Variants in PPARGC1A observed in about 807,000 individuals in gnomAD.
PPARGC1A encodes the protein peroxisome proliferator-activated receptor gamma coactivator 1-alpha.
Under a neutral mutation model 88.7 loss-of-function variants are expected in PPARGC1A, and 25 were observed. The ratio of observed to expected loss-of-function variants is 0.28; its 90% CI spans 0.21 to 0.39. PPARGC1A has a LOEUF of 0.39. Among genes scored for constraint, PPARGC1A ranks in the 10% least tolerant of loss-of-function variants. The pLI, the probability that PPARGC1A is intolerant of heterozygous loss-of-function variation, is 1.00. For synonymous variants in PPARGC1A, 363 were observed against 355.6 expected, an observed-to-expected ratio of 1.02 and a Z score of -0.24; for missense variants, 880 against 968.7, an observed-to-expected ratio of 0.91 and a Z score of 1.22.
chr4:24,247,969 T>G, the PPARGC1A span, among the ~76,000 whole-genome samples: 5 of 152,090 alleles, frequency 3.3e-5, no homozygotes, highest in East Asian at 3.9e-4. Context: ...TTCCCTTCCC[T>G]TTCCAAAAGA....
At chr4:24,200,566 C>G in the PPARGC1A span, among the ~76,000 whole-genome samples, 1 of 143,332 alleles carries the variant, frequency 7.0e-6, no homozygotes, top group Middle Eastern at 3.9e-3. Flanking sequence ...TATAGAGTAG[C>G]AGTTACCTCT....
At chr4:24,353,807 T>C in the PPARGC1A span, among the ~76,000 whole-genome samples, 1 of 152,112 alleles carries the variant, frequency 6.6e-6, no homozygotes, top group Admixed American at 6.5e-5. Flanking sequence ...GAGTCAGAGC[T>C]CTTGATTTTG....
At chr4:24,337,840 A>G in the PPARGC1A span, among the ~76,000 whole-genome samples, 9 of 152,284 alleles carry the variant, frequency 5.9e-5, no homozygotes, top group African/African-American at 2.2e-4. Flanking sequence ...CATCAGCCCA[A>G]ATAAGGTTCC....
chr4:24,339,784 G>A, the PPARGC1A span, among the ~76,000 whole-genome samples: 16 of 152,224 alleles, frequency 1.1e-4, no homozygotes, highest in African/African-American at 3.1e-4. Flanking sequence ...TGTCGTCCAG[G>A]CTGGAGTGCA....
At chr4:24,145,350 A>G in the PPARGC1A span, among the ~76,000 whole-genome samples, 4 of 152,182 alleles carry the variant, frequency 2.6e-5, no homozygotes, top group Non-Finnish European at 5.9e-5. Context: ...TTTGTGGTAG[A>G]TAGTGCCATA....
chr4:24,390,140 A>G, the PPARGC1A span, among the ~76,000 whole-genome samples: 1 of 152,050 alleles, frequency 6.6e-6, no homozygotes, highest in Non-Finnish European at 1.5e-5. Context: ...TTTAGCAGCC[A>G]TATCCTAAGA....
chr4:23,980,618 A>G, the PPARGC1A span, among the ~76,000 whole-genome samples: 1 of 152,174 alleles, frequency 6.6e-6, no homozygotes, highest in Non-Finnish European at 1.5e-5. Flanking sequence ...TAGAGCATCA[A>G]GCTGGAAGCT....
chr4:23,865,588 A>G (rs1337212919), intron 2 of PPARGC1A, among the ~76,000 whole-genome samples: 1 of 152,204 alleles, frequency 6.6e-6, no homozygotes, highest in Non-Finnish European at 1.5e-5. Context: ...CATTCTATCA[A>G]CATGGGTATC....
At chr4:24,008,086 G>A in the PPARGC1A span, among the ~76,000 whole-genome samples, 3 of 152,138 alleles carry the variant, frequency 2.0e-5, no homozygotes, top group Non-Finnish European at 4.4e-5. Flanking sequence ...GACAGAGAAG[G>A]GAGACTGGGA....
chr4:24,470,168 T>C, the PPARGC1A span, among the ~76,000 whole-genome samples: 89,531 of 151,696 alleles, frequency 0.59, 26,553 homozygotes, highest in African/African-American at 0.61. This position sits in a 1 kb window ranked among gnomAD's most constrained non-coding sequence, Gnocchi z 5.8. Flanking sequence ...CTGCCGAGGA[T>C]GCCCGAATGC....
the PPARGC1A span, among the ~76,000 whole-genome samples, chr4:24,276,954 G>A: frequency 6.6e-6 from 1 of 152,188 alleles, no homozygotes; most frequent in Non-Finnish European, 1.5e-5. Context: ...TCAGCTCCAT[G>A]TAGCTCTTCT....
At chr4:23,857,875 CCT>C (rs1730493306) in intron 2 of PPARGC1A, among the ~76,000 whole-genome samples, 1 of 151,560 alleles carries the variant, frequency 6.6e-6, no homozygotes, top group African/African-American at 2.4e-5. Context: ...AGTTCAACAC[CCT>C]CTCATCAATT....
the PPARGC1A span, among the ~76,000 whole-genome samples, chr4:24,194,550 T>C: frequency 6.6e-6 from 1 of 151,814 alleles, no homozygotes; most frequent in Non-Finnish European, 1.5e-5. Context: ...AGTTTTGTCA[T>C]TGAACATGGA....
the PPARGC1A span, among the ~76,000 whole-genome samples, chr4:24,248,982 G>T: frequency 2.0e-5 from 3 of 152,222 alleles, no homozygotes; most frequent in African/African-American, 7.2e-5. Context: ...TTTATCAAAC[G>T]TTATTGATAC....
At chr4:23,965,740 G>T in the PPARGC1A span, among the ~76,000 whole-genome samples, 3 of 152,198 alleles carry the variant, frequency 2.0e-5, no homozygotes, top group East Asian at 3.9e-4. Flanking sequence ...CGAACCCAGG[G>T]GTCCTGATTC....
the PPARGC1A span, among the ~76,000 whole-genome samples, chr4:24,013,099 C>T: frequency 2.6e-5 from 4 of 152,112 alleles, no homozygotes; most frequent in Non-Finnish European, 5.9e-5. Flanking sequence ...TGTTTAGCAC[C>T]TACTACGGGC....
chr4:24,416,074 G>A, the PPARGC1A span, among the ~76,000 whole-genome samples: 16 of 152,296 alleles, frequency 1.1e-4, no homozygotes, highest in African/African-American at 3.4e-4. Flanking sequence ...GGTGGTAATC[G>A]TGTTTTAAGA....
At chr4:23,898,150 CTG>C (rs1248505520) in intron 1 of PPARGC1A, among the ~76,000 whole-genome samples, 1 of 152,068 alleles carries the variant, frequency 6.6e-6, no homozygotes, top group Non-Finnish European at 1.5e-5. Context: ...TGGTAAAAGA[CTG>C]TACATATTTT....
At chr4:24,432,854 G>A in the PPARGC1A span, among the ~76,000 whole-genome samples, 4 of 152,322 alleles carry the variant, frequency 2.6e-5, no homozygotes, top group African/African-American at 9.6e-5. Flanking sequence ...CGGTTCCCCT[G>A]AACCAAACTT....
Sources: gnomAD v4.1 joint callset for allele counts (sites outside exome capture counted in the v4.1 genomes callset) on GRCh38, gnomAD v4.1.1 for gene constraint, Gnocchi (gnomAD v3.1) non-coding constraint, MANE v1.5 for transcripts, NCBI Gene and HGNC (gene_info 2026-07-23, HGNC 2026-07-21) for gene names.